Variants in ATP2A1 observed in about 807,000 individuals in gnomAD.
ATP2A1 encodes ATPase sarcoplasmic/endoplasmic reticulum Ca2+ transporting 1.
In ATP2A1, 83 loss-of-function variants were observed where a neutral mutation model predicts 109.5. The observed-to-expected ratio is 0.76, with a 90% CI of 0.63 to 0.91. ATP2A1 has a LOEUF of 0.91. ATP2A1 is among the 40% of genes least tolerant of loss of function. ATP2A1 has a pLI of 0.00. For missense variants in ATP2A1, 1,101 were observed against 1,341.0 expected, an observed-to-expected ratio of 0.82 and a Z score of 2.80; for synonymous variants, 505 against 537.6, an observed-to-expected ratio of 0.94 and a Z score of 0.84.
intron 4 of ATP2A1, chr16:28,881,638 TA>T (rs1963484725): frequency 6.3e-6 from 1 of 158,908 alleles, no homozygotes. Context: ...CCATCTCTAC[TA>T]AAAATACAAA....
intron 11 of ATP2A1, 57 bp from the exon 12 acceptor site, chr16:28,894,765 G>A: frequency 1.2e-6 from 2 of 1,608,622 alleles, no homozygotes; most frequent in Non-Finnish European, 1.7e-6. Flanking sequence ...TGGAAGGAGG[G>A]TATGACAGGT....
intron 6 of ATP2A1, among the ~76,000 whole-genome samples, chr16:28,885,152 T>C (rs1465176018): frequency 1.3e-5 from 2 of 150,002 alleles, no homozygotes; most frequent in African/African-American, 2.5e-5. Context: ...AGGAGGCTGA[T>C]ACAGTAGAAC....
intron 5 of ATP2A1, among the ~76,000 whole-genome samples, 161 bp from the exon 6 acceptor site, chr16:28,884,414 G>C (rs1051636720): frequency 1.3e-5 from 2 of 152,184 alleles, no homozygotes; most frequent in Non-Finnish European, 2.9e-5. Context: ...GGGGTTGCCA[G>C]CTTCAGGAGC....
At chr16:28,895,053 C>T (rs1963881043) in intron 12 of ATP2A1, 100 bp downstream of exon 12, 1 of 1,537,212 alleles carries the variant, frequency 6.5e-7, no homozygotes, top group African/African-American at 1.4e-5. Flanking sequence ...AGTGCCTGTG[C>T]TGGGACCCCA....
rs530562835 is a variant in ATP2A1 at position 28,902,559 on chromosome 16, A to T, written c.2525-21A>T. The T allele has an allele frequency of 1.9e-6, 3 of 1,610,662 alleles. No homozygotes were observed. Among genetic ancestry groups the T allele is most frequent in the Admixed American group, 3.3e-5 (2 of 59,766 alleles). On this transcript the variant is annotated intron_variant, in intron 17 of 22. Transcript: ENST00000395503. The surrounding 1 kb of genome is among the most constrained non-coding windows in gnomAD (Gnocchi z 4.8). Reference sequence around the variant, plus strand: ...CCTATCTCCCCAGCCCTGACCCCCGACTCCCCTCTCTCCACCACAGGCTAT... The same window carrying T: ...CCTATCTCCCCAGCCCTGACCCCCGTCTCCCCTCTCTCCACCACAGGCTAT...
chr16:28,895,243 G>T (rs1335736752), intron 12 of ATP2A1, among the ~76,000 whole-genome samples: 1 of 152,232 alleles, frequency 6.6e-6, no homozygotes, highest in African/African-American at 2.4e-5. Flanking sequence ...TCCAGGAGCA[G>T]CCCCAACTTC....
At position 28,902,296 on chromosome 16, in the gene ATP2A1, C is replaced by A; in HGVS notation, c.2434C>A (p.Pro812Thr). The change falls in exon 17 of 23, where the codon CCA becomes ACA. Residue 812 changes from proline to threonine, a missense_variant. Physicochemically the swap from Pro to Thr is conservative, Grantham distance 38. Coordinates refer to ENST00000395503, the MANE Select transcript of ATP2A1 (RefSeq NM_004320.6). This position sits in a 1 kb window ranked among gnomAD's most constrained non-coding sequence, Gnocchi z 4.8. ...LPATALGFNP[P>T]DLDIMDRPPR... ...AGCCACAGCCCTGGGCTTCAACCCACCAGACCTGGACATCATGGACCGCCC... is the reference window on the plus strand; with the variant it reads ...AGCCACAGCCCTGGGCTTCAACCCAACAGACCTGGACATCATGGACCGCCC... 6.2e-7 allele frequency: 1 copy of A among 1,614,144 alleles called. No individual in the cohort carries two copies. Among genetic ancestry groups the A allele is most frequent in the Non-Finnish European group, 8.5e-7 (1 of 1,180,008 alleles).
intron 6 of ATP2A1, among the ~76,000 whole-genome samples, chr16:28,885,764 C>A (rs527842174): frequency 6.6e-6 from 1 of 152,058 alleles, no homozygotes; most frequent in African/African-American, 2.4e-5. Context: ...GGACATAGGG[C>A]CACAGACACC....
chr16:28,900,467 ACCCCT>A, intron 14 of ATP2A1, 109 bp from the exon 15 acceptor site: 12 of 557,310 alleles, frequency 2.2e-5, no homozygotes, highest in East Asian at 1.3e-4. Flanking sequence ...CAGGCTTCCC[ACCCCT>A]CCCCACCACT....
chr16:28,884,017 G>A (rs919286086), intron 5 of ATP2A1, among the ~76,000 whole-genome samples: 1 of 151,878 alleles, frequency 6.6e-6, no homozygotes, highest in Middle Eastern at 3.2e-3. Context: ...GGTTGCCCTC[G>A]ATTTTCTCAA....
At position 28,900,914 on chromosome 16, in the gene ATP2A1, A is replaced by G. The variant is rs758021929; in HGVS notation, c.2098A>G (p.Met700Val). ...GCAGTCCTACGATGAGATCACAGCC[A>G]TGGTGAGAGGGCCCAGGCAGCTGCA... ...YLQSYDEITA[M>V]TGDGVNDAPA... The change falls in exon 15 of 23, where the codon ATG (methionine) becomes GTG (valine). Residue 700 changes from methionine (M) to valine (V), a missense_variant and splice_region_variant. Transcript: ENST00000395503. 1 of 1,614,160 alleles carries G rather than the reference A, an allele frequency of 6.2e-7. No homozygotes were observed. Among genetic ancestry groups the G allele is most frequent in the Admixed American group, 1.7e-5 (1 of 60,016 alleles).
rs1963542047 is a variant in ATP2A1, at chr16:28,883,450, C to T, written c.463+861C>T. On this transcript the variant is annotated intron_variant, in intron 5 of 22. Coordinates refer to ENST00000395503, the MANE Select transcript of ATP2A1 (RefSeq NM_004320.6). This position sits in a 1 kb window ranked among gnomAD's most constrained non-coding sequence, Gnocchi z 5.2. ...CGCGGGCTTGGGTGACAGGGTGTCC[C>T]GCCCGACTCTATCCCGACCTCCCTC... 6.6e-6 allele frequency among the ~76,000 whole-genome samples: 1 copy of T among 152,142 alleles called. No homozygotes were observed. Among genetic ancestry groups the T allele is most frequent in the East Asian group, 1.9e-4 (1 of 5,190 alleles).
intron 2 of ATP2A1, 71 bp from the exon 3 acceptor site, chr16:28,879,430 C>A: frequency 7.0e-7 from 1 of 1,438,326 alleles, no homozygotes; most frequent in Non-Finnish European, 9.8e-7. Context: ...GGCCGGAGTC[C>A]AGGGCGCTCC....
intron 6 of ATP2A1, among the ~76,000 whole-genome samples, chr16:28,886,955 G>T (rs570365695): frequency 6.7e-6 from 1 of 148,480 alleles, no homozygotes; most frequent in South Asian, 2.1e-4. Context: ...TCTTGACACT[G>T]CACTCTAGCC....
intron 5 of ATP2A1, among the ~76,000 whole-genome samples, chr16:28,882,951 G>T (rs965932965): frequency 6.6e-6 from 1 of 152,222 alleles, no homozygotes; most frequent in Non-Finnish European, 1.5e-5. Context: ...AGCTTGGTCA[G>T]CTTTCAGTCT....
At position 28,898,820 on chromosome 16, in the gene ATP2A1, TAAAAG is replaced by T. The variant is rs942361470; in HGVS notation, c.1764+376_1764+380del. Among the ~76,000 whole-genome samples, 5 of 151,936 alleles carry T rather than the reference TAAAAG, an allele frequency of 3.3e-5. No individual in the cohort carries two copies. The highest frequency in any genetic ancestry group is 7.3e-5 in the African/African-American group (3 of 41,336). The stretch of plus-strand genomic sequence containing the variant: ...AAGTAAAATACATTTTTAAAAATGT[TAAAAG>T]AAAAGAGATGAACTGGACATGGTGA... On this transcript the variant is annotated intron_variant, in intron 14 of 22. Transcript: ENST00000395503. This position sits in a 1 kb window ranked among gnomAD's most constrained non-coding sequence, Gnocchi z 4.0.
chr16:28,883,285 G>A lies in ATP2A1; in HGVS notation c.463+696G>A, dbSNP rs1454810639. On this transcript the variant is annotated intron_variant, in intron 5 of 22. Coordinates refer to ENST00000395503, the MANE Select transcript of ATP2A1 (RefSeq NM_004320.6). The surrounding 1 kb of genome is among the most constrained non-coding windows in gnomAD (Gnocchi z 5.2). ...TGGCTCTTCAGAGGCCTCCTTCCCTGTAGCAGACATCCGAATCACCACCCC... is the reference window on the plus strand; with the variant it reads ...TGGCTCTTCAGAGGCCTCCTTCCCTATAGCAGACATCCGAATCACCACCCC... Among the ~76,000 whole-genome samples the A allele has an allele frequency of 6.6e-6, 1 of 152,236 alleles. No individual in the cohort carries two copies. The highest frequency in any genetic ancestry group is 1.5e-5 in the Non-Finnish European group (1 of 68,036).
At chr16:28,881,812 A>AAG (rs1414038888) in intron 4 of ATP2A1, among the ~76,000 whole-genome samples, 8 of 151,834 alleles carry the variant, frequency 5.3e-5, no homozygotes, top group Admixed American at 5.2e-4. Context: ...AAAAAAAAAA[A>AAG]AAAGAGAGAA....
intron 12 of ATP2A1, among the ~76,000 whole-genome samples, chr16:28,896,032 C>T (rs1043435046): frequency 3.3e-5 from 5 of 152,092 alleles, no homozygotes; most frequent in Admixed American, 6.6e-5. Context: ...GTGATCACAG[C>T]GCACTGCAGC....
Sources: allele counts gnomAD v4.1 joint callset (sites outside exome capture counted in the v4.1 genomes callset), GRCh38; gene constraint gnomAD v4.1.1; non-coding constraint Gnocchi (gnomAD v3.1); transcripts MANE v1.5; gene names NCBI Gene and HGNC (gene_info 2026-07-23, HGNC 2026-07-21).